The following DPY30 variants were observed in gnomAD, a reference collection of about 807,000 sequenced individuals.
DPY30 encodes the protein dpy-30 histone methyltransferase complex regulatory subunit.
In DPY30, 6 loss-of-function variants were observed where a neutral mutation model predicts 16.2. The observed-to-expected ratio is 0.37, with a 90% CI of 0.20 to 0.73. The LOEUF is 0.73. Among genes scored for constraint, DPY30 ranks in the 30% least tolerant of loss-of-function variants. DPY30 has a pLI of 0.51. For missense variants in DPY30, 73 were observed against 113.1 expected (o/e 0.65, Z 1.61); for synonymous variants, 39 against 38.8 (o/e 1.00, Z -0.02).
intron 3 of DPY30, 101 bp downstream of exon 3, chr2:32,039,178 A>G: frequency 7.0e-7 from 1 of 1,434,094 alleles, no homozygotes; most frequent in Non-Finnish European, 9.8e-7. Flanking sequence ...CACGATAACA[A>G]AGTTTTCCCT....
At chr2:32,030,669 C>A (rs1675504108) in intron 3 of DPY30, among the ~76,000 whole-genome samples, 2 of 150,358 alleles carry the variant, frequency 1.3e-5, no homozygotes, top group African/African-American at 4.9e-5. Flanking sequence ...CGTGGTAGTG[C>A]GTGCCTGTAG....
At chr2:32,013,490 A>G (rs1675007096) in intron 5 of DPY30, 1 of 152,212 alleles carries the variant, frequency 6.6e-6, no homozygotes, top group African/African-American at 2.4e-5. Context: ...GAAACTATTC[A>G]TTTATTCACC....
At chr2:32,034,727 G>A (rs927210082) in intron 3 of DPY30, among the ~76,000 whole-genome samples, 11 of 152,220 alleles carry the variant, frequency 7.2e-5, no homozygotes, top group South Asian at 2.1e-4. Flanking sequence ...CGCTGGCCAC[G>A]GTGACTCACA....
chr2:32,018,588 A>G (rs1445969160), intron 5 of DPY30, among the ~76,000 whole-genome samples: 2 of 152,140 alleles, frequency 1.3e-5, no homozygotes, highest in Non-Finnish European at 2.9e-5. Context: ...TTAGCCGGGC[A>G]TGGTGACACT....
At chr2:32,020,660 C>A (rs1292928685), downstream of DPY30, among the ~76,000 whole-genome samples, 1 of 151,964 alleles carries the variant, frequency 6.6e-6, no homozygotes, top group African/African-American at 2.4e-5. Flanking sequence ...ATATATACAG[C>A]TTTTTGTTCA....
chr2:32,021,790 A>T (rs1675187692), downstream of DPY30, among the ~76,000 whole-genome samples: 1 of 151,920 alleles, frequency 6.6e-6, no homozygotes, highest in African/African-American at 2.4e-5. Context: ...TATGTACAAA[A>T]TTTGTATTTT....
intron 4 of DPY30, among the ~76,000 whole-genome samples, chr2:32,028,603 T>C (rs1675419517): frequency 6.6e-6 from 1 of 151,986 alleles, no homozygotes; most frequent in Admixed American, 6.6e-5. Flanking sequence ...GAGATCGAGA[T>C]CATTCTGGCC....
intron 4 of DPY30, among the ~76,000 whole-genome samples, chr2:32,028,976 G>A (rs1021587102): frequency 6.6e-6 from 1 of 151,664 alleles, no homozygotes; most frequent in African/African-American, 2.4e-5. Flanking sequence ...AAAAAAATAA[G>A]AATAATAATA....
intron 4 of DPY30, among the ~76,000 whole-genome samples, chr2:32,027,880 G>A (rs1357814739): frequency 6.6e-6 from 1 of 151,610 alleles, no homozygotes; most frequent in Non-Finnish European, 1.5e-5. Context: ...TGCCCGCCTC[G>A]GCCTCCCAAA....
rs773170938 is a variant in DPY30 at position 32,029,686 on chromosome 2, C to T, written c.135G>A (p.Lys45=). 7 of 1,614,086 alleles carry T rather than the reference C, an allele frequency of 4.3e-6. No individual in the cohort carries two copies. The South Asian group carries it at 7.7e-5, about 18-fold the overall frequency. ...KINAEKSSKQ[K]VDLQSLPTRA... Reference sequence around the variant, plus strand: ...GAGTTGGCAAAGACTGGAGATCTACCTTCTGCTTTGATGACTTTTCTGCAT... The same window carrying T: ...GAGTTGGCAAAGACTGGAGATCTACTTTCTGCTTTGATGACTTTTCTGCAT... The change falls in exon 4 of 5, where the codon AAG becomes AAA. Residue 45 remains lysine, a synonymous_variant. Transcript: ENST00000342166.
At chr2:32,035,794 C>T (rs913383077) in intron 3 of DPY30, among the ~76,000 whole-genome samples, 2 of 151,426 alleles carry the variant, frequency 1.3e-5, no homozygotes, top group African/African-American at 4.9e-5. Flanking sequence ...ATTAGCTGGG[C>T]ATGGTAGCGG....
At chr2:32,018,605 T>C (rs374886745) in intron 5 of DPY30, among the ~76,000 whole-genome samples, 3 of 152,110 alleles carry the variant, frequency 2.0e-5, no homozygotes, top group African/African-American at 7.2e-5. Context: ...CACTCACCTG[T>C]AGTCCCAGCT....
chr2:32,039,489 C>T lies in DPY30; in HGVS notation c.-33G>A. ...CCTGCAAGTCACAGTCCCCGGATAC[C>T]AGTCTTGGAAAACAAGAAGAGCCGC... On this transcript the variant is annotated 5_prime_UTR_variant, in exon 2 of 5. Transcript: ENST00000342166. 1.2e-6 allele frequency: 2 copies of T among 1,613,992 alleles called. No homozygotes were observed. The highest frequency in any genetic ancestry group is 1.7e-6 in the Non-Finnish European group (2 of 1,180,012).
downstream of DPY30, chr2:32,023,349 T>C (rs1675225847): frequency 2.2e-6 from 1 of 454,978 alleles, no homozygotes; most frequent in Admixed American, 2.5e-5. Flanking sequence ...GGCTGCTGCT[T>C]TTTATTGCAA....
At chr2:32,016,833 A>G (rs1675074542) in intron 5 of DPY30, among the ~76,000 whole-genome samples, 1 of 152,142 alleles carries the variant, frequency 6.6e-6, no homozygotes, top group Non-Finnish European at 1.5e-5. Context: ...AACTGTTTAT[A>G]TGATTTCCAG....
At chr2:32,023,662 G>T, downstream of DPY30, 2 of 1,169,724 alleles carry the variant, frequency 1.7e-6, no homozygotes, top group Non-Finnish European at 2.3e-6. Context: ...CAACTTTAAT[G>T]TACATTAGAA....
At chr2:32,013,541 T>C (rs576815429) in intron 5 of DPY30, among the ~76,000 whole-genome samples, 2 of 152,328 alleles carry the variant, frequency 1.3e-5, no homozygotes, top group African/African-American at 4.8e-5. Context: ...CAAAATACTT[T>C]GTATTTTAGG....
At chr2:32,039,815 C>T (rs570925498), upstream of DPY30, 1 of 342,044 alleles carries the variant, frequency 2.9e-6, no homozygotes, top group South Asian at 4.2e-5. Flanking sequence ...TAAGTGACGG[C>T]TGTCGCACGA....
At chr2:32,030,629 C>CAAA (rs35489420) in intron 3 of DPY30, among the ~76,000 whole-genome samples, 8 of 72,320 alleles carry the variant, frequency 1.1e-4, no homozygotes, top group African/African-American at 3.6e-4. Flanking sequence ...GACTCAGTCT[C>CAAA]AAAAAAAAAA....
Sources: gnomAD v4.1 joint callset for allele counts (sites outside exome capture counted in the v4.1 genomes callset) on GRCh38, gnomAD v4.1.1 for gene constraint, MANE v1.5 for transcripts, NCBI Gene and HGNC (gene_info 2026-07-23, HGNC 2026-07-21) for gene names.